The following PIN4 variants were observed in gnomAD, a reference collection of about 807,000 sequenced individuals.
The protein encoded by PIN4 is peptidylprolyl cis/trans isomerase, NIMA-interacting 4.
In PIN4, 3 loss-of-function variants were observed where a neutral mutation model predicts 8.3. The observed-to-expected ratio is 0.36, with a 90% CI of 0.16 to 0.93. The LOEUF (loss-of-function observed/expected upper bound fraction) is 0.93. Among genes scored for constraint, PIN4 ranks in the 40% least tolerant of loss-of-function variants. The probability of loss-of-function intolerance (pLI) is 0.44; values close to 1 mark genes in which losing one functional copy is unlikely to be tolerated. For synonymous variants in PIN4, 18 were observed against 32.5 expected, an observed-to-expected ratio of 0.55 and a Z score of 1.52; for missense variants, 75 against 100.6, an observed-to-expected ratio of 0.75 and a Z score of 1.09.
At chrX:72,188,720 C>T (rs1055776149) in intron 2 of PIN4, among the ~76,000 whole-genome samples, 5 of 111,104 alleles carry the variant, frequency 4.5e-5, no homozygotes, top group Non-Finnish European at 7.5e-5. Flanking sequence ...GATGGAGTCT[C>T]GCTATGTTGC....
chrX:72,204,462 T>TTGAC (rs2042804519), intron 3 of PIN4, among the ~76,000 whole-genome samples: 1 of 112,068 alleles, frequency 8.9e-6, no homozygotes, highest in African/African-American at 3.2e-5. Flanking sequence ...CACCTTCATT[T>TTGAC]TGACTGTGAC....
In PIN4 at chrX:72,198,122, GA is replaced by G. The variant is rs926492764; in HGVS notation, c.*597del. On this transcript the variant is annotated 3_prime_UTR_variant, in exon 4 of 4. Coordinates refer to ENST00000373669, the MANE Select transcript of PIN4 (RefSeq NM_006223.4). ...TTGTTCCATGAGTTGTTTTGTACTA[GA>G]CTAACCGAGTGCTGGTTAAAGGGAG... is the stretch of plus-strand genomic sequence containing the variant. 1.3e-6 allele frequency: 1 copy of G among 746,160 alleles called. No individual in the cohort carries two copies. The allele number at this position is 746,160 out of a possible 1,213,427, so 61.5% of individuals were successfully genotyped here.
intron 3 of PIN4, among the ~76,000 whole-genome samples, chrX:72,235,316 C>T (rs1418088289): frequency 9.1e-6 from 1 of 109,869 alleles, no homozygotes; most frequent in African/African-American, 3.3e-5. Context: ...CCCCATCTAC[C>T]GAGCCAGGTA....
intron 2 of PIN4, among the ~76,000 whole-genome samples, chrX:72,188,995 C>T (rs137867327): frequency 4.6e-4 from 51 of 111,482 alleles, no homozygotes; most frequent in African/African-American, 1.6e-3. Context: ...GATTCACATG[C>T]AGTTTTAAGA....
intron 3 of PIN4, chrX:72,208,209 T>G: frequency 8.3e-7 from 1 of 1,211,880 alleles, no homozygotes. Flanking sequence ...GATTGAGGTT[T>G]CTGGTCCGTT....
chrX:72,197,498 A>G lies in PIN4; in HGVS notation c.368A>G (p.His123Arg), dbSNP rs1439793400. ...CCGGTTAAGACAAAATTTGGATATC[A>G]TATTATTATGGTCGAAGGAAGAAAA... is the stretch of plus-strand genomic sequence containing the variant. ...DPPVKTKFGY[H>R]IIMVEGRK The change falls in exon 4 of 4, where the codon CAT becomes CGT. Residue 123 changes from histidine (H) to arginine (R), a missense_variant. His to Arg is a conservative substitution (Grantham distance 29, BLOSUM62 0). Transcript: ENST00000373669. 8.3e-7 allele frequency: 1 copy of G among 1,204,448 alleles called. No individual in the cohort carries two copies. Among genetic ancestry groups the G allele is most frequent in the East Asian group, 3.0e-5 (1 of 33,832 alleles).
Position 72,197,675 on chromosome X carries a change from A to G in PIN4, c.*149A>G, listed in dbSNP as rs2042774004. The G allele has an allele frequency of 2.9e-6, 3 of 1,051,903 alleles. No individual in the cohort carries two copies. The highest frequency in any genetic ancestry group is 3.7e-6 in the Non-Finnish European group (3 of 815,058). 86.7% of individuals were successfully genotyped at this position (1,051,903 alleles called of 1,213,427 possible). A position where few individuals can be genotyped will look rare whatever the true frequency, so the allele number is the denominator to read the frequency against. ...CTTGTATTCTGTGAAAGCTCTAAGT[A>G]TGGGTTTGTAGGTGTAAGAGAGGGT... On this transcript the variant is annotated 3_prime_UTR_variant, in exon 4 of 4. Transcript: ENST00000373669.
Position 72,197,318 on chromosome X carries a change from T to C in PIN4, c.238-50T>C, listed in dbSNP as rs370138782. 327 of 1,122,309 alleles carry C rather than the reference T, an allele frequency of 2.9e-4. 1 individual carries two copies. Among genetic ancestry groups the C allele is most frequent in the Non-Finnish European group, 3.6e-4 (301 of 830,809 alleles). The allele number at this position is 1,122,309 out of a possible 1,213,427, so 92.5% of individuals were successfully genotyped here. A position where few individuals can be genotyped will look rare whatever the true frequency, so the allele number is the denominator to read the frequency against. On this transcript the variant is annotated intron_variant, in intron 3 of 3. Coordinates refer to ENST00000373669, the MANE Select transcript of PIN4 (RefSeq NM_006223.4). ...AAATTCTCTCAAGCTACAGTAGAAC[T>C]GTTCCCTCTTCTGGGCCACTTGATA... is the stretch of plus-strand genomic sequence containing the variant.
At chrX:72,203,300 T>TAGTA (rs2042798218), downstream of PIN4, among the ~76,000 whole-genome samples, 1 of 111,876 alleles carries the variant, frequency 8.9e-6, no homozygotes, top group Admixed American at 9.5e-5. Context: ...AAGCTGGTAA[T>TAGTA]AGTAAGTAAA....
chrX:72,238,826 C>A (rs1446301803), intron 3 of PIN4: 1 of 1,178,098 alleles, frequency 8.5e-7, no homozygotes, highest in Non-Finnish European at 1.1e-6. Flanking sequence ...CTAGACCCGC[C>A]CAGCGGTCCA....
At chrX:72,219,671 A>C (rs1036569266) in intron 3 of PIN4, among the ~76,000 whole-genome samples, 3 of 108,561 alleles carry the variant, frequency 2.8e-5, no homozygotes, top group Non-Finnish European at 3.8e-5. Context: ...AACATGAAGA[A>C]GCCCCGCCTC....
At chrX:72,248,291 G>GAAAAAAAAAAA (rs55908553) in intron 3 of PIN4, among the ~76,000 whole-genome samples, 1 of 54,899 alleles carries the variant, frequency 1.8e-5, no homozygotes, top group African/African-American at 5.1e-5. Context: ...GCTCCATCCA[G>GAAAAAAAAAAA]AAAAAAAAAA....
At chrX:72,181,854 G>T in intron 1 of PIN4, 26 bp downstream of exon 1, 1 of 905,048 alleles carries the variant, frequency 1.1e-6, no homozygotes, top group Non-Finnish European at 1.6e-6. Flanking sequence ...CGATCAAGGA[G>T]AATGGGGGCG....
intron 3 of PIN4, chrX:72,238,952 G>A (rs1260856988): frequency 1.5e-5 from 14 of 955,687 alleles, no homozygotes; most frequent in Non-Finnish European, 2.0e-5. Flanking sequence ...CGGGAGTTTG[G>A]AGCTTGGAGC....
At chrX:72,246,997 TTGGA>T (rs755032602) in intron 3 of PIN4, among the ~76,000 whole-genome samples, 3 of 111,601 alleles carry the variant, frequency 2.7e-5, no homozygotes, top group African/African-American at 9.8e-5. Context: ...TAAATAGTTG[TTGGA>T]TGGATGGATG....
intron 3 of PIN4, among the ~76,000 whole-genome samples, chrX:72,233,699 A>T (rs1192847287): frequency 1.1e-5 from 1 of 92,544 alleles, no homozygotes; most frequent in Non-Finnish European, 2.0e-5. Flanking sequence ...TCCAGCCCGG[A>T]TGACACTGCA....
intron 3 of PIN4, chrX:72,205,819 C>A: frequency 8.3e-7 from 1 of 1,211,704 alleles, no homozygotes; most frequent in Non-Finnish European, 1.1e-6. Context: ...AGGTGCAGAG[C>A]CACACAAGCT....
intron 3 of PIN4, among the ~76,000 whole-genome samples, chrX:72,245,909 C>A (rs1170694756): frequency 9.0e-6 from 1 of 111,364 alleles, no homozygotes; most frequent in African/African-American, 3.3e-5. Context: ...GTGAAGTGGG[C>A]ACCAAAGGAT....
intron 3 of PIN4, among the ~76,000 whole-genome samples, chrX:72,247,257 C>T (rs1264168812): frequency 8.9e-6 from 1 of 112,010 alleles, no homozygotes; most frequent in Non-Finnish European, 1.9e-5. Flanking sequence ...CTGAGTTACA[C>T]CCAGGAACTA....
Sources: allele counts gnomAD v4.1 joint callset (sites outside exome capture counted in the v4.1 genomes callset), GRCh38; gene constraint gnomAD v4.1.1; transcripts MANE v1.5; gene names NCBI Gene and HGNC (gene_info 2026-07-23, HGNC 2026-07-21).